Variants in WDPCP observed in about 807,000 individuals in gnomAD.
WDPCP encodes WD repeat containing planar cell polarity effector, also known as WD repeat-containing and planar cell polarity effector protein fritz homolog.
WDPCP carries 71 observed loss-of-function variants against 93.1 expected under a neutral mutation model. That is an observed-to-expected ratio of 0.76 (90% CI 0.63 to 0.93). The LOEUF (loss-of-function observed/expected upper bound fraction) is 0.93. Ranked by LOEUF, WDPCP falls within the 40% of genes least tolerant of loss-of-function variation. The pLI is 0.00. For synonymous variants in WDPCP, 315 were observed against 315.0 expected, an observed-to-expected ratio of 1.00 and a Z score of 0.00; for missense variants, 844 against 887.4, an observed-to-expected ratio of 0.95 and a Z score of 0.62.
intron 2 of WDPCP, among the ~76,000 whole-genome samples, chr2:63,784,351 C>T (rs1670439009): frequency 6.6e-6 from 1 of 152,072 alleles, no homozygotes; most frequent in South Asian, 2.1e-4. Context: ...ATAATGTTGC[C>T]TTAGGTCAGC....
At chr2:63,437,763 G>C in intron 7 of WDPCP, 1 of 1,286,608 alleles carries the variant, frequency 7.8e-7, no homozygotes. Flanking sequence ...TTTTTTTCCT[G>C]TGACTATTTC....
At chr2:63,795,620 G>A (rs895320668) in intron 2 of WDPCP, among the ~76,000 whole-genome samples, 1 of 151,866 alleles carries the variant, frequency 6.6e-6, no homozygotes, top group Non-Finnish European at 1.5e-5. Flanking sequence ...GAAAGAAAGA[G>A]AAAGAAAGAA....
chr2:63,229,002 C>G (rs897879280), intron 14 of WDPCP: 9 of 152,088 alleles, frequency 5.9e-5, no homozygotes, highest in Non-Finnish European at 1.0e-4. Context: ...CCTGAGGAAT[C>G]GCCACACTGA....
chr2:63,611,940 C>A (rs1052511900), intron 3 of WDPCP, among the ~76,000 whole-genome samples: 12 of 152,186 alleles, frequency 7.9e-5, no homozygotes, highest in Non-Finnish European at 1.6e-4. Flanking sequence ...GCAGAATAGA[C>A]ATCTTTAAAA....
intron 14 of WDPCP, among the ~76,000 whole-genome samples, chr2:63,226,624 T>C (rs2104520338): frequency 6.6e-6 from 1 of 151,994 alleles, no homozygotes; most frequent in South Asian, 2.1e-4. Context: ...AATACCTAGA[T>C]TATTAGCTTG....
At chr2:63,759,621 G>T (rs1670024983) in intron 2 of WDPCP, among the ~76,000 whole-genome samples, 1 of 152,130 alleles carries the variant, frequency 6.6e-6, no homozygotes, top group South Asian at 2.1e-4. Context: ...ATGCAGACTT[G>T]GTGTGAATGG....
At chr2:63,671,159 C>G (rs1710341555) in intron 2 of WDPCP, among the ~76,000 whole-genome samples, 1 of 152,156 alleles carries the variant, frequency 6.6e-6, no homozygotes, top group African/African-American at 2.4e-5. Flanking sequence ...TCTCCTATCT[C>G]TGACTGCCAT....
intron 2 of WDPCP, among the ~76,000 whole-genome samples, chr2:63,758,731 C>T (rs1218884350): frequency 7.3e-5 from 11 of 151,084 alleles, no homozygotes; most frequent in Non-Finnish European, 1.6e-4. Context: ...TGAGCCACTG[C>T]GTACAGCCCA....
chr2:63,223,821 T>G (rs1042981774), intron 14 of WDPCP, among the ~76,000 whole-genome samples: 5 of 152,128 alleles, frequency 3.3e-5, no homozygotes, highest in Non-Finnish European at 7.4e-5. Flanking sequence ...CACTACAGTG[T>G]CACCTTTGTC....
rs58717654 is a variant in WDPCP, at chr2:63,802,281, T to TAAAAAAAAAA, written n.308+11331_308+11340dup. ...GGCAACATTATGATACCCTCTCTCT[T>TAAAAAAAAAA]AAAAAAAAAAAAAAAAAAAAAAAAA... On this transcript the variant is annotated intron_variant and non_coding_transcript_variant, in intron 2 of 4. Transcript: ENST00000467687. 3.4e-3 allele frequency among the ~76,000 whole-genome samples: 183 copies of TAAAAAAAAAA among 54,386 alleles called. 39 individuals are homozygous for TAAAAAAAAAA. The highest frequency in any genetic ancestry group is 5.2e-3 in the Non-Finnish European group (150 of 28,780). 35.7% of individuals were successfully genotyped at this position (54,386 alleles called of 152,430 possible). A position where few individuals can be genotyped will look rare whatever the true frequency, so the allele number is the denominator to read the frequency against.
intron 10 of WDPCP, among the ~76,000 whole-genome samples, chr2:63,382,907 C>T: frequency 6.6e-6 from 1 of 152,104 alleles, no homozygotes; most frequent in East Asian, 1.9e-4. Flanking sequence ...CAACAGCCTT[C>T]ATGAGCCTGC....
intron 12 of WDPCP, among the ~76,000 whole-genome samples, chr2:63,350,336 T>C (rs2104543435): frequency 6.6e-6 from 1 of 152,258 alleles, no homozygotes; most frequent in East Asian, 1.9e-4. Context: ...AAATACCTAA[T>C]GTAAATGACT....
intron 14 of WDPCP, among the ~76,000 whole-genome samples, chr2:63,254,092 T>A (rs1430437154): frequency 1.3e-5 from 2 of 152,120 alleles, no homozygotes; most frequent in Non-Finnish European, 2.9e-5. Context: ...AACATAGTTG[T>A]AGCTGGAAGC....
intron 2 of WDPCP, among the ~76,000 whole-genome samples, chr2:63,811,536 A>G (rs1386486191): frequency 6.6e-6 from 1 of 152,014 alleles, no homozygotes. Context: ...ACCTGAGTGA[A>G]CTTGGAAGCA....
chr2:63,473,068 G>A (rs966840624), intron 6 of WDPCP, among the ~76,000 whole-genome samples: 11 of 152,158 alleles, frequency 7.2e-5, no homozygotes, highest in Admixed American at 1.3e-4. Flanking sequence ...CTGGCTCTCC[G>A]ATTACATTTA....
chr2:63,381,058 T>C (rs990701269), intron 11 of WDPCP, among the ~76,000 whole-genome samples: 1 of 152,112 alleles, frequency 6.6e-6, no homozygotes, highest in African/African-American at 2.4e-5. Flanking sequence ...CCTCCTATCT[T>C]GTAAATTACC....
intron 2 of WDPCP, among the ~76,000 whole-genome samples, chr2:63,695,545 A>G (rs2103685424): frequency 6.6e-6 from 1 of 152,284 alleles, no homozygotes; most frequent in East Asian, 1.9e-4. Context: ...TTGTATTTTT[A>G]TTTGCTAAAT....
chr2:63,639,421 C>T (rs1709957483), intron 3 of WDPCP, among the ~76,000 whole-genome samples: 1 of 152,182 alleles, frequency 6.6e-6, no homozygotes, highest in Non-Finnish European at 1.5e-5. Flanking sequence ...GCTGGGATTA[C>T]AGGTGTGCGC....
At chr2:63,539,099 T>G (rs1015757431) in intron 1 of WDPCP, among the ~76,000 whole-genome samples, 2 of 152,206 alleles carry the variant, frequency 1.3e-5, no homozygotes, top group Non-Finnish European at 2.9e-5. Flanking sequence ...TGCTAAAATA[T>G]TTAAACATAT....
Sources: allele counts gnomAD v4.1 joint callset (sites outside exome capture counted in the v4.1 genomes callset), GRCh38; gene constraint gnomAD v4.1.1; transcripts MANE v1.5; gene names NCBI Gene and HGNC (gene_info 2026-07-23, HGNC 2026-07-21).